The following BTG4 variants were observed in gnomAD, a reference collection of about 807,000 sequenced individuals.
BTG4 encodes BTG anti-proliferation factor 4.
Under a neutral mutation model 19.3 loss-of-function variants are expected in BTG4, and 10 were observed. The ratio of observed to expected loss-of-function variants is 0.52; its 90% CI spans 0.32 to 0.88. The LOEUF (loss-of-function observed/expected upper bound fraction) is 0.88, where lower values mean the gene tolerates loss of function less well. Ranked by LOEUF, BTG4 falls within the 40% of genes least tolerant of loss-of-function variation. BTG4 has a pLI of 0.04. For missense variants in BTG4, 238 were observed against 281.9 expected (o/e 0.84, Z 1.11); for synonymous variants, 91 against 95.7 (o/e 0.95, Z 0.29).
chr11:111,423,711 T>C, the BTG4 span, among the ~76,000 whole-genome samples: 1 of 152,042 alleles, frequency 6.6e-6, no homozygotes, highest in Admixed American at 6.5e-5. Context: ...ACAAAAACAA[T>C]GCCACCACCC....
At chr11:111,389,275 A>T in the BTG4 span, among the ~76,000 whole-genome samples, 1 of 152,240 alleles carries the variant, frequency 6.6e-6, no homozygotes, top group Non-Finnish European at 1.5e-5. Flanking sequence ...TGAAAACGAG[A>T]TATAAATAGA....
At chr11:111,493,150 GAAACAAAC>G (rs561088459), downstream of BTG4, among the ~76,000 whole-genome samples, 1 of 151,994 alleles carries the variant, frequency 6.6e-6, no homozygotes. Context: ...TGTCTCAAAG[GAAACAAAC>G]AAACAAACAA....
chr11:111,476,326 G>T (rs760252876), intron 5 of BTG4, among the ~76,000 whole-genome samples: 1 of 152,054 alleles, frequency 6.6e-6, no homozygotes, highest in Non-Finnish European at 1.5e-5. Context: ...TAGCTCTGTA[G>T]GTCTTTTGTC....
chr11:111,451,974 G>A, the BTG4 span, among the ~76,000 whole-genome samples: 1 of 152,250 alleles, frequency 6.6e-6, no homozygotes, highest in East Asian at 1.9e-4. Context: ...GGACATCAAT[G>A]GCATTGAGCG....
At chr11:111,427,266 G>GA in the BTG4 span, among the ~76,000 whole-genome samples, 6 of 152,126 alleles carry the variant, frequency 3.9e-5, no homozygotes, top group East Asian at 9.6e-4. Flanking sequence ...CTTCTTTCTG[G>GA]AAAAAGGCAG....
At chr11:111,406,887 C>T in the BTG4 span, among the ~76,000 whole-genome samples, 1 of 152,172 alleles carries the variant, frequency 6.6e-6, no homozygotes, top group Non-Finnish European at 1.5e-5. Context: ...AGCCCATGTA[C>T]AACAATCTGT....
At chr11:111,490,989 A>T (rs1390136397), downstream of BTG4, among the ~76,000 whole-genome samples, 2 of 152,244 alleles carry the variant, frequency 1.3e-5, no homozygotes. Flanking sequence ...GTTCTTTGAC[A>T]GGTAAATGGC....
intron 5 of BTG4, among the ~76,000 whole-genome samples, chr11:111,471,455 A>G (rs1407442409): frequency 1.3e-5 from 2 of 152,176 alleles, no homozygotes; most frequent in African/African-American, 4.8e-5. Flanking sequence ...GCAGCATTTG[A>G]CATATCTGAC....
chr11:111,477,836 C>G (rs749523182), intron 5 of BTG4, among the ~76,000 whole-genome samples: 34 of 152,084 alleles, frequency 2.2e-4, no homozygotes, highest in Non-Finnish European at 3.8e-4. Flanking sequence ...AACAATAAAT[C>G]CTATAAACTA....
chr11:111,506,027 G>A (rs1206893288), intron 1 of BTG4, among the ~76,000 whole-genome samples: 1 of 152,110 alleles, frequency 6.6e-6, no homozygotes, highest in Non-Finnish European at 1.5e-5. Flanking sequence ...CTGTTGGTGG[G>A]AATGTAAATT....
rs114984010 is a variant in BTG4, at chr11:111,478,204, C to T, written c.663-10523G>A. ...CCATTGTCCAGTGATAATGAGGCCA[C>T]CCTGGCCTCAGTGTTAGTGGAAGCC... On this transcript the variant is annotated intron_variant, in intron 5 of 5. Coordinates refer to the BTG4 transcript ENST00000356018. Among the ~76,000 whole-genome samples the T allele has an allele frequency of 5.6e-3, 856 of 152,242 alleles. 4 individuals are homozygous for T. Among genetic ancestry groups the T allele is most frequent in the African/African-American group, 0.019 (805 of 41,552 alleles).
chr11:111,495,135 T>C lies in BTG4; in HGVS notation c.690A>G (p.Ter230TrpextTer21), dbSNP rs763997236. 6.5e-7 allele frequency: 1 copy of C among 1,533,780 alleles called. No individual in the cohort carries two copies. The highest frequency in any genetic ancestry group is 8.8e-7 in the Non-Finnish European group (1 of 1,142,330). ...GCCCACCACGTGCCCAGTCGCTGCG[T>C]CATCGGTGTGTGTTGACCCAGTGGT... ...DRYHWVNTHR[*>W] Residue 230 changes from the stop codon to tryptophan (W), a stop_lost, in exon 5 of 5, where the codon TGA (stop) becomes TGG (tryptophan). Coordinates refer to ENST00000692032, the MANE Select transcript of BTG4 (RefSeq NM_001367975.1).
At chr11:111,472,040 G>A (rs569175631) in intron 5 of BTG4, among the ~76,000 whole-genome samples, 3 of 152,264 alleles carry the variant, frequency 2.0e-5, no homozygotes, top group South Asian at 4.1e-4. Context: ...ATTGCCTCTT[G>A]CCCGGATTAC....
intron 2 of BTG4, 127 bp downstream of exon 2, chr11:111,498,477 C>T: frequency 1.2e-6 from 1 of 830,138 alleles, no homozygotes; most frequent in South Asian, 1.7e-5. Context: ...CACGTTCAAA[C>T]AAATAAACTC....
chr11:111,391,769 G>A, the BTG4 span, among the ~76,000 whole-genome samples: 2 of 152,148 alleles, frequency 1.3e-5, no homozygotes, highest in Non-Finnish European at 2.9e-5. Flanking sequence ...TCATAGTCAC[G>A]CTTCTTTTAA....
chr11:111,493,867 G>T (rs544559133), downstream of BTG4, among the ~76,000 whole-genome samples: 5 of 152,246 alleles, frequency 3.3e-5, no homozygotes, highest in South Asian at 1.0e-3. Flanking sequence ...AAGTAATGAG[G>T]CTAGAATCAA....
At chr11:111,513,145 C>T, upstream of BTG4, 1 of 384,670 alleles carries the variant, frequency 2.6e-6, no homozygotes, top group Admixed American at 3.1e-5. Context: ...CGAGCGCCCG[C>T]TGCAAGTGCG....
chr11:111,488,725 A>G (rs181479970), intron 5 of BTG4, among the ~76,000 whole-genome samples: 200 of 152,368 alleles, frequency 1.3e-3, no homozygotes, highest in Middle Eastern at 6.8e-3. Context: ...TAGAATAGAT[A>G]AGAAGCTCAA....
At chr11:111,392,693 G>C in the BTG4 span, among the ~76,000 whole-genome samples, 134 of 152,208 alleles carry the variant, frequency 8.8e-4, no homozygotes, top group Admixed American at 7.5e-3. Context: ...GCCTCACCTG[G>C]CTCCTTCATC....
Sources: gnomAD v4.1 joint callset for allele counts (sites outside exome capture counted in the v4.1 genomes callset) on GRCh38, gnomAD v4.1.1 for gene constraint, MANE v1.5 for transcripts, NCBI Gene and HGNC (gene_info 2026-07-23, HGNC 2026-07-21) for gene names.